The following UNK variants were observed in gnomAD, a reference collection of about 807,000 sequenced individuals.
UNK encodes unk zinc finger, also known as RING finger protein unkempt homolog.
UNK carries 32 observed loss-of-function variants against 97.6 expected under a neutral mutation model. The observed-to-expected ratio is 0.33, with a 90% CI of 0.25 to 0.44. The LOEUF is 0.44. UNK is among the 20% of genes least tolerant of loss of function. UNK has a pLI of 1.00. For synonymous variants in UNK, 441 were observed against 461.2 expected, an observed-to-expected ratio of 0.96 and a Z score of 0.56; for missense variants, 771 against 1,098.4, an observed-to-expected ratio of 0.70 and a Z score of 4.21.
In UNK at chr17:75,817,898, T is replaced by A. The variant is rs552901491; in HGVS notation, c.1306-205T>A. ...TTCTGGGCTTACATGAGGCCTAGTG[T>A]CACCGGGAGGAGAAGGGCAGCTCCC... On this transcript the variant is annotated intron_variant, in intron 9 of 15. Transcript: ENST00000589666. The surrounding 1 kb of genome is among the most constrained non-coding windows in gnomAD (Gnocchi z 5.8). Among the ~76,000 whole-genome samples the A allele has an allele frequency of 1.3e-5, 2 of 151,882 alleles. No homozygotes were observed. The highest frequency in any genetic ancestry group is 4.2e-4 in the South Asian group (2 of 4,798).
In UNK at chr17:75,806,984, G is replaced by A. The variant is rs575381909; in HGVS notation, c.105-2776G>A. ...GTCTGTCCTGATCTGTGAGAGCCCT[G>A]CCAGCCAGAGCCTCTGTGGAGTCTC... On this transcript the variant is annotated intron_variant, in intron 1 of 15. Coordinates refer to ENST00000589666, the MANE Select transcript of UNK (RefSeq NM_001080419.3). Among the ~76,000 whole-genome samples the A allele has an allele frequency of 2.0e-5, 3 of 152,322 alleles. No homozygotes were observed. In the South Asian group the frequency reaches 6.2e-4, roughly 32 times the overall value.
chr17:75,794,725 A>G (rs745706937), intron 1 of UNK, among the ~76,000 whole-genome samples: 5 of 152,084 alleles, frequency 3.3e-5, no homozygotes, highest in African/African-American at 1.2e-4. Context: ...TTTGAGGCCC[A>G]GCTCTGTCAG....
chr17:75,823,642 C>A (rs1343331098), intron 15 of UNK, 120 bp downstream of exon 15: 1 of 1,361,826 alleles, frequency 7.3e-7, no homozygotes, highest in South Asian at 1.6e-5. Context: ...CTGCCCAGCA[C>A]TGGGCCAGCA....
At chr17:75,806,909 G>A (rs1277021207) in intron 1 of UNK, among the ~76,000 whole-genome samples, 1 of 152,226 alleles carries the variant, frequency 6.6e-6, no homozygotes, top group Non-Finnish European at 1.5e-5. Flanking sequence ...CCTGACCCAG[G>A]GCAGTGGGAA....
At chr17:75,815,851 A>G (rs190883544) in intron 7 of UNK, among the ~76,000 whole-genome samples, 1,756 of 147,160 alleles carry the variant, frequency 0.012, 12 homozygotes, top group South Asian at 0.022. Flanking sequence ...ATGCCGCCGC[A>G]CTCCAGCCTG....
Position 75,822,581 on chromosome 17 carries a change from G to A in UNK, c.1942G>A (p.Ala648Thr), listed in dbSNP as rs1037558677. 1 of 1,613,442 alleles carries A rather than the reference G, an allele frequency of 6.2e-7. No homozygotes were observed. Among genetic ancestry groups the A allele is most frequent in the African/African-American group, 1.3e-5 (1 of 74,946 alleles). ...ATCAGGGCCAGGGGCTGCCGAGCTG[G>A]CCCGACTTCGGCAAGAGCTGGATGA... ...FLSGPGAAEL[A>T]RLRQELDEAN... The change falls in exon 14 of 16, where the codon GCC becomes ACC. Residue 648 changes from alanine (A) to threonine (T), a missense_variant. By Grantham distance (58) the Ala-to-Thr change is moderately conservative. Coordinates refer to ENST00000589666, the MANE Select transcript of UNK (RefSeq NM_001080419.3).
intron 1 of UNK, among the ~76,000 whole-genome samples, chr17:75,794,814 C>T (rs769409648): frequency 2.0e-4 from 31 of 152,160 alleles, no homozygotes; most frequent in Non-Finnish European, 2.6e-4. Flanking sequence ...TTACCTGTCT[C>T]ATGGGGTTGT....
chr17:75,817,190 G>C lies in UNK; in HGVS notation c.1105-136G>C. On this transcript the variant is annotated intron_variant, in intron 8 of 15. Coordinates refer to ENST00000589666, the MANE Select transcript of UNK (RefSeq NM_001080419.3). The surrounding 1 kb of genome is among the most constrained non-coding windows in gnomAD (Gnocchi z 5.8). The stretch of plus-strand genomic sequence containing the variant: ...CCTTCGTGAGCTTCGGGCTCCCCGA[G>C]TGGTCACTGCTGCTCGTTGGCAGAT... 6.3e-6 allele frequency: 7 copies of C among 1,109,046 alleles called. No homozygotes were observed. Among genetic ancestry groups the C allele is most frequent in the Non-Finnish European group, 8.8e-6 (7 of 795,574 alleles). The allele number at this position is 1,109,046 out of a possible 1,614,324, so 68.7% of individuals were successfully genotyped here. A position where few individuals can be genotyped will look rare whatever the true frequency, so the allele number is the denominator to read the frequency against.
chr17:75,786,411 A>G lies in UNK; in HGVS notation c.104+1427A>G, dbSNP rs7220730. Among the ~76,000 whole-genome samples, 847 of 152,324 alleles carry G rather than the reference A, an allele frequency of 5.6e-3. 5 individuals carry two copies. Among genetic ancestry groups the G allele is most frequent in the African/African-American group, 0.018 (765 of 41,566 alleles). On this transcript the variant is annotated intron_variant, in intron 1 of 15. Transcript: ENST00000589666. ...AGTCACGAGAGTCTTGGCTTCAGCAACTTGTGTTTCTGTGTTGTGTTGTCA... is the reference window on the plus strand; with the variant it reads ...AGTCACGAGAGTCTTGGCTTCAGCAGCTTGTGTTTCTGTGTTGTGTTGTCA...
At position 75,784,900 on chromosome 17, in the gene UNK, C is replaced by A; in HGVS notation, c.20C>A (p.Pro7His). 6.3e-7 allele frequency: 1 copy of A among 1,577,150 alleles called. No homozygotes were observed. Among genetic ancestry groups the A allele is most frequent in the Non-Finnish European group, 8.6e-7 (1 of 1,164,860 alleles). Residue 7 changes from proline to histidine, a missense_variant, in exon 1 of 16, where the codon CCC (proline) becomes CAC (histidine). Physicochemically the swap from Pro to His is moderately conservative, Grantham distance 77. Coordinates refer to ENST00000589666, the MANE Select transcript of UNK (RefSeq NM_001080419.3). Reference sequence around the variant, plus strand: ...AAGACCATGTCGAAGGGCCCCGGGCCCGGCGGCTCCGCAGCTTCCTCGGCG... The same window carrying A: ...AAGACCATGTCGAAGGGCCCCGGGCACGGCGGCTCCGCAGCTTCCTCGGCG... MSKGPG[P>H]GGSAASSAPP...
rs1486860814 is a variant in UNK at position 75,824,267 on chromosome 17, G to A, written c.2283G>A (p.Val761=). Residue 761 remains valine (V), a synonymous_variant, in exon 16 of 16, where the codon GTG becomes GTA. Coordinates refer to ENST00000589666, the MANE Select transcript of UNK (RefSeq NM_001080419.3). This position sits in a 1 kb window ranked among gnomAD's most constrained non-coding sequence, Gnocchi z 4.9. ...CGATGCCCCTTTCCCTGCAGGCCGTGTTCCACATGCAGTCGGTGAAATGCC... is the reference window on the plus strand; with the variant it reads ...CGATGCCCCTTTCCCTGCAGGCCGTATTCCACATGCAGTCGGTGAAATGCC... The part of the protein sequence containing the change: ...RAHLEQVDKA[V]FHMQSVKCLK... 1 of 1,596,346 alleles carries A rather than the reference G, an allele frequency of 6.3e-7. No homozygotes were observed. Among genetic ancestry groups the A allele is most frequent in the Non-Finnish European group, 8.5e-7 (1 of 1,171,626 alleles).
At chr17:75,793,084 C>A (rs1271937279) in intron 1 of UNK, among the ~76,000 whole-genome samples, 1 of 152,190 alleles carries the variant, frequency 6.6e-6, no homozygotes, top group Non-Finnish European at 1.5e-5. Context: ...ATTCAGAAAA[C>A]AAGTTTGAGA....
At chr17:75,786,378 A>G (rs1022668720) in intron 1 of UNK, among the ~76,000 whole-genome samples, 5 of 152,226 alleles carry the variant, frequency 3.3e-5, no homozygotes, top group Non-Finnish European at 5.9e-5. Flanking sequence ...CAAAATAAAC[A>G]CATTTTGAGT....
intron 1 of UNK, among the ~76,000 whole-genome samples, chr17:75,800,742 A>G (rs1306656141): frequency 1.3e-5 from 2 of 151,728 alleles, no homozygotes; most frequent in Non-Finnish European, 2.9e-5. Flanking sequence ...GTCTCAAAAA[A>G]TAAAAAATAA....
Position 75,819,867 on chromosome 17 carries a change from G to T in UNK, c.1649-53G>T, listed in dbSNP as rs1006502155. On this transcript the variant is annotated intron_variant, in intron 12 of 15. Coordinates refer to ENST00000589666, the MANE Select transcript of UNK (RefSeq NM_001080419.3). The surrounding 1 kb of genome is among the most constrained non-coding windows in gnomAD (Gnocchi z 5.4). The stretch of plus-strand genomic sequence containing the variant: ...TCAGGCCCCTTGCTCTGTGTGGCCC[G>T]CCTGGCTTCCGCTGCCCTCACCCAG... 32 of 1,602,836 alleles carry T rather than the reference G, an allele frequency of 2.0e-5. No homozygotes were observed. In the East Asian group the frequency reaches 5.4e-4, roughly 27 times the overall value.
intron 1 of UNK, chr17:75,793,664 ATTC>A: frequency 1.0e-6 from 1 of 983,478 alleles, no homozygotes; most frequent in Middle Eastern, 5.2e-4. Context: ...CCCCTTCCTT[ATTC>A]TTTATTCACA....
chr17:75,787,919 C>T (rs545063607), intron 1 of UNK, among the ~76,000 whole-genome samples: 1 of 152,070 alleles, frequency 6.6e-6, no homozygotes, highest in East Asian at 1.9e-4. Flanking sequence ...TCCTGAGTAG[C>T]TGGGACTACA....
chr17:75,814,601 C>T (rs2062000882), intron 6 of UNK, among the ~76,000 whole-genome samples: 1 of 152,116 alleles, frequency 6.6e-6, no homozygotes, highest in African/African-American at 2.4e-5. Flanking sequence ...TTCCCTTGCC[C>T]TCTGGCCCCA....
chr17:75,802,956 C>G lies in UNK; in HGVS notation c.105-6804C>G, dbSNP rs1046273597. On this transcript the variant is annotated intron_variant, in intron 1 of 15. Coordinates refer to ENST00000589666, the MANE Select transcript of UNK (RefSeq NM_001080419.3). Reference sequence around the variant, plus strand: ...CCTGGCCAACATGGTGAAACCTCGTCTCTACTAAAAATACAAAAATTACAG... The same window carrying G: ...CCTGGCCAACATGGTGAAACCTCGTGTCTACTAAAAATACAAAAATTACAG... Among the ~76,000 whole-genome samples the G allele has an allele frequency of 7.3e-4, 99 of 135,448 alleles. 3 individuals are homozygous for G. The highest frequency in any genetic ancestry group is 2.9e-3 in the African/African-American group (92 of 32,136). 88.9% of individuals were successfully genotyped at this position (135,448 alleles called of 152,430 possible).
Sources: gnomAD v4.1 joint callset for allele counts (sites outside exome capture counted in the v4.1 genomes callset) on GRCh38, gnomAD v4.1.1 for gene constraint, Gnocchi (gnomAD v3.1) non-coding constraint, MANE v1.5 for transcripts, NCBI Gene and HGNC (gene_info 2026-07-23, HGNC 2026-07-21) for gene names.